The following KANSL1L variants were observed in gnomAD, a reference collection of about 807,000 sequenced individuals.
KANSL1L encodes the protein KAT8 regulatory NSL complex subunit 1 like, also known as KAT8 regulatory NSL complex subunit 1-like protein.
Under a neutral mutation model 108.6 loss-of-function variants are expected in KANSL1L, and 25 were observed. The ratio of observed to expected loss-of-function variants is 0.23; its 90% confidence interval spans 0.17 to 0.32. The LOEUF (loss-of-function observed/expected upper bound fraction) is 0.32. Among genes scored for constraint, KANSL1L ranks in the 10% least tolerant of loss-of-function variants. The pLI is 1.00. For synonymous variants in KANSL1L, 405 were observed against 395.1 expected (o/e 1.03, Z -0.30); for missense variants, 1,137 against 1,125.7 (o/e 1.01, Z -0.14).
chr2:210,082,298 A>C lies in KANSL1L; in HGVS notation c.1551-6542T>G, dbSNP rs568471951. 1.4e-4 allele frequency among the ~76,000 whole-genome samples: 22 copies of C among 152,354 alleles called. 1 individual carries two copies. The highest frequency in any genetic ancestry group is 5.3e-4 in the African/African-American group (22 of 41,596). ...CAACATGATAGATGACTGCTTTGGA[A>C]AATGCTGCTACTTAATGATATGTGA... On this transcript the variant is annotated intron_variant, in intron 5 of 14. Coordinates refer to ENST00000281772, the MANE Select transcript of KANSL1L (RefSeq NM_152519.4).
At chr2:210,024,274 G>A in intron 13 of KANSL1L, 73 bp from the exon 14 acceptor site, 1 of 1,152,644 alleles carries the variant, frequency 8.7e-7, no homozygotes, top group African/African-American at 1.6e-5. Context: ...ACAACCCAAG[G>A]TATCACTGAG....
chr2:210,028,762 C>G, intron 11 of KANSL1L, 83 bp downstream of exon 11: 1 of 1,037,182 alleles, frequency 9.6e-7, no homozygotes, highest in South Asian at 1.7e-5. Context: ...ATGCTCCTTT[C>G]ATTAATTAAA....
At chr2:210,096,411 G>C (rs773759444) in intron 5 of KANSL1L, 12 of 791,080 alleles carry the variant, frequency 1.5e-5, no homozygotes, top group Non-Finnish European at 1.8e-5. Flanking sequence ...GTGTCCCTAG[G>C]ACTTGACTAT....
chr2:210,047,495 C>G (rs2094237620), intron 6 of KANSL1L, among the ~76,000 whole-genome samples: 1 of 152,166 alleles, frequency 6.6e-6, no homozygotes, highest in Admixed American at 6.5e-5. Flanking sequence ...ATCACTTTTC[C>G]TCTAGTTTCC....
rs151211217 is a variant in KANSL1L, at chr2:210,023,013, G to A, written c.2900C>T (p.Ser967Leu). The A allele has an allele frequency of 1.7e-3, 2,799 of 1,613,630 alleles. 6 individuals are homozygous for A. Among genetic ancestry groups the A allele is most frequent in the Non-Finnish European group, 2.2e-3 (2,616 of 1,179,844 alleles). ...GGTTTTGTATTCTTCCATTCCATCT[G>A]ACTGCTTTTTTGGATGGTGGCCATT... Reference protein sequence around the residue: ...PENGHHPKKQSDGMEEYKTFG... With the variant: ...PENGHHPKKQLDGMEEYKTFG... The change falls in exon 15 of 15, where the codon TCA (serine) becomes TTA (leucine). Residue 967 changes from serine (S) to leucine (L), a missense_variant. By Grantham distance (145) the Ser-to-Leu change is moderately radical. Around this residue, in one of 3 missense-constraint regions of KANSL1L, gnomAD observed 575 missense variants for 567.1 expected, o/e 1.01. Transcript: ENST00000281772.
chr2:210,115,210 G>T (rs1341700607), intron 3 of KANSL1L, among the ~76,000 whole-genome samples: 1 of 151,928 alleles, frequency 6.6e-6, no homozygotes, highest in Admixed American at 6.6e-5. Context: ...TAAGTCCAAC[G>T]ACACAAGTAA....
intron 7 of KANSL1L, among the ~76,000 whole-genome samples, chr2:210,041,412 C>T (rs1000494326): frequency 2.6e-5 from 4 of 152,046 alleles, no homozygotes; most frequent in African/African-American, 9.7e-5. Flanking sequence ...AGGATAGACC[C>T]AGAAAGGGCC....
chr2:210,113,878 C>A (rs545605227), intron 3 of KANSL1L, among the ~76,000 whole-genome samples: 1 of 152,118 alleles, frequency 6.6e-6, no homozygotes, highest in African/African-American at 2.4e-5. Flanking sequence ...TAAAAATAAT[C>A]AAGTGCAAAG....
intron 6 of KANSL1L, among the ~76,000 whole-genome samples, chr2:210,072,938 T>C (rs1454229532): frequency 6.6e-6 from 1 of 152,232 alleles, no homozygotes; most frequent in African/African-American, 2.4e-5. Flanking sequence ...TGACTGTTTA[T>C]TCCACATTTA....
chr2:210,023,139 T>A lies in KANSL1L; in HGVS notation c.2774A>T (p.Glu925Val). 1 of 1,614,092 alleles carries A rather than the reference T, an allele frequency of 6.2e-7. No homozygotes were observed. The highest frequency in any genetic ancestry group is 8.5e-7 in the Non-Finnish European group (1 of 1,179,946). ...WERRAFPLKG[E>V]DMAALLCQDE... ...TTGACATAATAAGGCTGCCATGTCT[T>A]CACCCTTCAGTGGAAAAGCCCGTCG... Residue 925 changes from glutamate to valine, a missense_variant, in exon 15 of 15, where the codon GAA becomes GTA. Glu to Val is a moderately radical substitution (Grantham distance 121). Transcript: ENST00000281772.
At position 210,083,054 on chromosome 2, in the gene KANSL1L, C is replaced by T. The variant is rs79603485; in HGVS notation, c.1551-7298G>A. Among the ~76,000 whole-genome samples the T allele has an allele frequency of 4.5e-3, 686 of 152,222 alleles. 3 individuals are homozygous for T. The highest frequency in any genetic ancestry group is 7.9e-3 in the Non-Finnish European group (537 of 68,010). On this transcript the variant is annotated intron_variant, in intron 5 of 14. Coordinates refer to ENST00000281772, the MANE Select transcript of KANSL1L (RefSeq NM_152519.4). ...GAGCCCTAAATCAAATCAGTGATTT[C>T]CTTACAAGAAGAGACACACAAAGAA...
Position 210,027,282 on chromosome 2 carries a change from G to C in KANSL1L, c.2451+14C>G. 1 of 1,569,002 alleles carries C rather than the reference G, an allele frequency of 6.4e-7. No individual in the cohort carries two copies. The highest frequency in any genetic ancestry group is 8.8e-7 in the Non-Finnish European group (1 of 1,139,080). On this transcript the variant is annotated intron_variant, in intron 12 of 14. Coordinates refer to ENST00000281772, the MANE Select transcript of KANSL1L (RefSeq NM_152519.4). ...ATAATGTGCAATTATCCCATTAAAT[G>C]AAAGGCAGCTTACCTCTTCTTTGCC...
At chr2:210,129,300 G>A (rs2095098221) in intron 2 of KANSL1L, 128 bp from the exon 3 acceptor site, 1 of 714,762 alleles carries the variant, frequency 1.4e-6, no homozygotes, top group Non-Finnish European at 2.2e-6. Flanking sequence ...ATTACAGGAA[G>A]AGAGAATGGC....
chr2:210,095,561 T>A (rs768207908), intron 5 of KANSL1L, among the ~76,000 whole-genome samples: 18 of 152,288 alleles, frequency 1.2e-4, no homozygotes, highest in Non-Finnish European at 2.2e-4. Flanking sequence ...ATGTTTCTGG[T>A]TAAATAGATT....
At chr2:210,070,653 A>G (rs1025947505) in intron 6 of KANSL1L, among the ~76,000 whole-genome samples, 29 of 152,174 alleles carry the variant, frequency 1.9e-4, no homozygotes, top group African/African-American at 7.0e-4. Context: ...TGTCCACTGT[A>G]TTAGTTTGCT....
chr2:210,144,043 G>A (rs2095248839), intron 2 of KANSL1L, among the ~76,000 whole-genome samples: 1 of 152,050 alleles, frequency 6.6e-6, no homozygotes, highest in South Asian at 2.1e-4. Context: ...GATTTTGTAT[G>A]TCTGGAAAAG....
intron 3 of KANSL1L, among the ~76,000 whole-genome samples, chr2:210,121,694 T>G (rs1402807640): frequency 6.6e-6 from 1 of 152,030 alleles, no homozygotes; most frequent in Non-Finnish European, 1.5e-5. Context: ...GGGGGCAAAT[T>G]TTTTAAAAAA....
intron 5 of KANSL1L, among the ~76,000 whole-genome samples, chr2:210,076,252 G>T (rs2094541634): frequency 6.6e-6 from 1 of 152,102 alleles, no homozygotes; most frequent in Non-Finnish European, 1.5e-5. Context: ...TGCGATCTCG[G>T]TTCACTGCAA....
intron 9 of KANSL1L, among the ~76,000 whole-genome samples, chr2:210,030,465 C>T (rs914988962): frequency 3.6e-5 from 5 of 140,220 alleles, no homozygotes; most frequent in African/African-American, 1.3e-4. Context: ...TAGAAGTTTA[C>T]TTCTGTTAGT....
Sources: gnomAD v4.1 joint callset for allele counts (sites outside exome capture counted in the v4.1 genomes callset) on GRCh38, gnomAD v4.1.1 for gene constraint, gnomAD v4.1.1 regional missense constraint, MANE v1.5 for transcripts, NCBI Gene and HGNC (gene_info 2026-07-23, HGNC 2026-07-21) for gene names.